Variants in BTRC observed in about 807,000 individuals in gnomAD.
BTRC encodes the protein F-box/WD repeat-containing protein 1A.
BTRC carries 42 observed loss-of-function variants against 85.5 expected under a neutral mutation model. The observed-to-expected ratio is 0.49, with a 90% CI of 0.38 to 0.64. BTRC has a LOEUF of 0.64. Among genes scored for constraint, BTRC ranks in the 30% least tolerant of loss-of-function variants. The pLI, the probability that BTRC is intolerant of heterozygous loss-of-function variation, is 0.00. For missense variants in BTRC, 594 were observed against 743.5 expected (o/e 0.80, Z 2.34); for synonymous variants, 255 against 263.3 (o/e 0.97, Z 0.30).
Position 101,554,190 on chromosome 10 carries a change from G to C in BTRC, c.*1067G>C, listed in dbSNP as rs2062696385. The C allele has an allele frequency of 1.3e-5, 2 of 152,124 alleles. No individual in the cohort carries two copies. Among genetic ancestry groups the C allele is most frequent in the Non-Finnish European group, 2.9e-5 (2 of 68,030 alleles). 9.4% of individuals were successfully genotyped at this position (152,124 alleles called of 1,614,324 possible). On this transcript the variant is annotated 3_prime_UTR_variant, in exon 15 of 15. Transcript: ENST00000370187. Reference sequence around the variant, plus strand: ...TTGCATTTCCTCTCATTAACAATTGGGTGTGTAATAAAAAGCATTGTACTT... The same window carrying C: ...TTGCATTTCCTCTCATTAACAATTGCGTGTGTAATAAAAAGCATTGTACTT...
Position 101,431,028 on chromosome 10 carries a change from A to AGTGT in BTRC, c.156+577_156+580dup, listed in dbSNP as rs371801079. Among the ~76,000 whole-genome samples, 656 of 143,972 alleles carry AGTGT rather than the reference A, an allele frequency of 4.6e-3. 5 individuals are homozygous for AGTGT. Among genetic ancestry groups the AGTGT allele is most frequent in the African/African-American group, 0.016 (625 of 39,000 alleles). 94.5% of individuals were successfully genotyped at this position (143,972 alleles called of 152,430 possible). ...GTATTCACCTTGAGACACTCTAGCT[A>AGTGT]GTGTTTCATGAATTAACAGATTCCA... is the stretch of plus-strand genomic sequence containing the variant. On this transcript the variant is annotated intron_variant, in intron 2 of 14. Transcript: ENST00000370187.
intron 1 of BTRC, among the ~76,000 whole-genome samples, chr10:101,427,211 G>A (rs1442864169): frequency 8.3e-5 from 12 of 144,700 alleles, no homozygotes; most frequent in Non-Finnish European, 1.5e-4. Context: ...TCCGCCTTCC[G>A]GGTTCAAGCG....
chr10:101,418,282 C>T (rs1448740339), intron 1 of BTRC, among the ~76,000 whole-genome samples: 2 of 151,876 alleles, frequency 1.3e-5, no homozygotes, highest in Non-Finnish European at 1.5e-5. Context: ...GCAGGAGAAT[C>T]GCTTGAACCT....
At chr10:101,434,823 G>A (rs995781975) in intron 2 of BTRC, among the ~76,000 whole-genome samples, 5 of 150,740 alleles carry the variant, frequency 3.3e-5, no homozygotes, top group Admixed American at 6.6e-5. Flanking sequence ...TAGTAGAGAC[G>A]GGGTTTCAGC....
intron 1 of BTRC, among the ~76,000 whole-genome samples, chr10:101,429,208 G>A (rs895260844): frequency 2.0e-5 from 3 of 152,088 alleles, no homozygotes; most frequent in African/African-American, 4.8e-5. Flanking sequence ...TTATTAGACT[G>A]TAATAGCACT....
intron 2 of BTRC, among the ~76,000 whole-genome samples, chr10:101,460,456 GTC>G (rs1945194681): frequency 6.6e-6 from 1 of 152,146 alleles, no homozygotes; most frequent in South Asian, 2.1e-4. Context: ...AAGTTCTTGA[GTC>G]TCTGTCCCTT....
At chr10:101,489,081 TCCCTGAAAAAA>T (rs1946063644) in intron 4 of BTRC, among the ~76,000 whole-genome samples, 1 of 152,120 alleles carries the variant, frequency 6.6e-6, no homozygotes, top group South Asian at 2.1e-4. Context: ...CCTACCCTCT[TCCCTGAAAAAA>T]CTTAGGATTC....
intron 4 of BTRC, among the ~76,000 whole-genome samples, chr10:101,518,916 T>C (rs4917941): frequency 1 from 152,103 of 152,264 alleles, 75,971 homozygotes; most frequent in Middle Eastern, 1. Flanking sequence ...GTTAAAACAA[T>C]ACGTATTTAT....
chr10:101,440,077 A>G (rs886596199), intron 2 of BTRC, among the ~76,000 whole-genome samples: 8 of 152,266 alleles, frequency 5.3e-5, no homozygotes, highest in Non-Finnish European at 1.0e-4. Context: ...AAGAAAGCTC[A>G]TTAGGTAATA....
chr10:101,536,362 T>C (rs958113795), intron 11 of BTRC, among the ~76,000 whole-genome samples, 181 bp from the exon 12 acceptor site: 6 of 152,246 alleles, frequency 3.9e-5, no homozygotes, highest in Non-Finnish European at 8.8e-5. Context: ...AACCTACATA[T>C]TTCTGTGTGA....
At chr10:101,465,726 A>G (rs369412287) in intron 3 of BTRC, among the ~76,000 whole-genome samples, 36 of 152,208 alleles carry the variant, frequency 2.4e-4, no homozygotes, top group Admixed American at 4.6e-4. Flanking sequence ...GAAATAATGA[A>G]GGTGGAAATT....
At chr10:101,379,357 G>A (rs192574073) in intron 1 of BTRC, among the ~76,000 whole-genome samples, 1 of 152,272 alleles carries the variant, frequency 6.6e-6, no homozygotes. Flanking sequence ...ACTCTTAAAT[G>A]TGTTCTACTA....
chr10:101,446,251 A>G (rs752784555), intron 2 of BTRC, among the ~76,000 whole-genome samples: 5 of 152,048 alleles, frequency 3.3e-5, no homozygotes, highest in African/African-American at 4.8e-5. Context: ...GAAAAATCCT[A>G]CTAGCCTCTA....
chr10:101,525,910 C>A, intron 5 of BTRC, 103 bp from the exon 6 acceptor site: 2 of 1,161,458 alleles, frequency 1.7e-6, no homozygotes, highest in Non-Finnish European at 2.4e-6. Context: ...AATGATGTGC[C>A]TTCATAGCAG....
chr10:101,434,887 G>A (rs368748175), intron 2 of BTRC, among the ~76,000 whole-genome samples: 1 of 151,572 alleles, frequency 6.6e-6, no homozygotes, highest in African/African-American at 2.4e-5. Context: ...TGCCCACCTC[G>A]GCCTCCTAAA....
Position 101,359,082 on chromosome 10 carries a change from C to T in BTRC, c.48+4854C>T, listed in dbSNP as rs182479534. On this transcript the variant is annotated intron_variant, in intron 1 of 14. Coordinates refer to ENST00000370187, the MANE Select transcript of BTRC (RefSeq NM_033637.4). Reference sequence around the variant, plus strand: ...ACTTCGGAAGGCACTAACATGATCTCCTGCGTGACTTCCCTTAATGATGTC... The same window carrying T: ...ACTTCGGAAGGCACTAACATGATCTTCTGCGTGACTTCCCTTAATGATGTC... 6.6e-4 allele frequency among the ~76,000 whole-genome samples: 101 copies of T among 152,162 alleles called. 1 individual carries two copies. The East Asian group carries it at 0.017, about 25-fold the overall frequency.
chr10:101,437,470 A>G (rs1345460814), intron 2 of BTRC, among the ~76,000 whole-genome samples: 1 of 152,226 alleles, frequency 6.6e-6, no homozygotes. Flanking sequence ...ATTTTATTAC[A>G]TTTAATTAAA....
At chr10:101,429,216 A>G in intron 1 of BTRC, among the ~76,000 whole-genome samples, 1 of 152,172 alleles carries the variant, frequency 6.6e-6, no homozygotes, top group East Asian at 1.9e-4. Flanking sequence ...CTGTAATAGC[A>G]CTCAAGTTGA....
chr10:101,414,757 T>C, intron 1 of BTRC: 1 of 320,462 alleles, frequency 3.1e-6, no homozygotes, highest in Non-Finnish European at 6.2e-6. Context: ...CATGTGTTGG[T>C]TTTCAACAAA....
Sources: allele counts gnomAD v4.1 joint callset (sites outside exome capture counted in the v4.1 genomes callset), GRCh38; gene constraint gnomAD v4.1.1; transcripts MANE v1.5; gene names NCBI Gene and HGNC (gene_info 2026-07-23, HGNC 2026-07-21).